PPP6R2: variants seen among roughly 807,000 people sequenced by gnomAD.
PPP6R2 encodes serine/threonine-protein phosphatase 6 regulatory subunit 2.
PPP6R2 carries 62 observed loss-of-function variants against 100.2 expected under a neutral mutation model. The ratio of observed to expected loss-of-function variants is 0.62; its 90% confidence interval spans 0.50 to 0.76. PPP6R2 has a LOEUF of 0.76. Ranked by LOEUF, PPP6R2 falls within the 30% of genes least tolerant of loss-of-function variation. The pLI, the probability that PPP6R2 is intolerant of heterozygous loss-of-function variation, is 0.00. For missense variants in PPP6R2, 1,142 were observed against 1,276.3 expected (o/e 0.89, Z 1.60); for synonymous variants, 525 against 514.7 (o/e 1.02, Z -0.27).
intron 2 of PPP6R2, among the ~76,000 whole-genome samples, chr22:50,389,556 GTTT>G (rs112650389): frequency 2.2e-5 from 3 of 133,760 alleles, no homozygotes; most frequent in African/African-American, 2.9e-5. Flanking sequence ...ATCTTTTTTT[GTTT>G]TTTTTTTTTT....
intron 1 of PPP6R2, among the ~76,000 whole-genome samples, chr22:50,352,114 A>G (rs557054309): frequency 4.0e-5 from 6 of 149,384 alleles, no homozygotes; most frequent in Admixed American, 4.0e-4. Context: ...TAATTTTTGT[A>G]TTTTTTAGTA....
chr22:50,394,159 CCAGTACGCCAGGCAGTG>C, intron 3 of PPP6R2, 24 bp downstream of exon 3: 1 of 1,609,134 alleles, frequency 6.2e-7, no homozygotes, highest in South Asian at 1.1e-5. Flanking sequence ...CTGTGACGGG[CCAGTACGCCAGGCAGTG>C]CTGCAGGCAG....
chr22:50,350,451 G>A (rs879487586), intron 1 of PPP6R2, among the ~76,000 whole-genome samples: 2 of 148,320 alleles, frequency 1.3e-5, no homozygotes, highest in Non-Finnish European at 2.9e-5. Flanking sequence ...GGCTGGTCTC[G>A]AACTCCTGAC....
chr22:50,375,613 G>T (rs905020609), intron 2 of PPP6R2, among the ~76,000 whole-genome samples: 1 of 151,976 alleles, frequency 6.6e-6, no homozygotes, highest in Non-Finnish European at 1.5e-5. Context: ...ACTAAATGTA[G>T]CACAAAAAGA....
chr22:50,418,741 G>T (rs2060895757), intron 6 of PPP6R2, 126 bp from the exon 7 acceptor site: 1 of 730,478 alleles, frequency 1.4e-6, no homozygotes, highest in Non-Finnish European at 2.4e-6. Flanking sequence ...CAGTGGTATT[G>T]AACAACAACG....
chr22:50,414,919 G>A (rs924984756), intron 5 of PPP6R2, among the ~76,000 whole-genome samples: 1 of 152,334 alleles, frequency 6.6e-6, no homozygotes, highest in Non-Finnish European at 1.5e-5. Context: ...CCTTCTCCCC[G>A]CAGTCTCCAG....
In PPP6R2 at chr22:50,423,358, C is replaced by T. The variant is rs2147839187; in HGVS notation, c.973-104C>T. On this transcript the variant is annotated intron_variant, in intron 9 of 23. Transcript: ENST00000612753. The surrounding 1 kb of genome is among the most constrained non-coding windows in gnomAD (Gnocchi z 4.8). ...AACCCCCACCACATACCTCGCTACCCCAGGCTGGGTCCCAGCCTAGAGTGA... is the reference window on the plus strand; with the variant it reads ...AACCCCCACCACATACCTCGCTACCTCAGGCTGGGTCCCAGCCTAGAGTGA... 6.9e-7 allele frequency: 1 copy of T among 1,456,228 alleles called. No individual in the cohort carries two copies. The highest frequency in any genetic ancestry group is 1.2e-5 in the South Asian group (1 of 80,078). 90.2% of individuals were successfully genotyped at this position (1,456,228 alleles called of 1,614,324 possible).
At chr22:50,436,242 C>T (rs1183243999) in intron 13 of PPP6R2, 125 bp from the exon 14 acceptor site, 6 of 791,370 alleles carry the variant, frequency 7.6e-6, no homozygotes, top group Non-Finnish European at 1.2e-5. Context: ...GGCCCTCAGA[C>T]GGGCTGACCA....
rs372049584 is a variant in PPP6R2 at position 50,429,181 on chromosome 22, C to G, written c.1126-1992C>G. On this transcript the variant is annotated intron_variant, in intron 10 of 23. Transcript: ENST00000612753. Reference sequence around the variant, plus strand: ...AAGTAGCTGGGATTACAGGCGTGTGCCACCATGCCCGGCTAATTTTTGTAT... The same window carrying G: ...AAGTAGCTGGGATTACAGGCGTGTGGCACCATGCCCGGCTAATTTTTGTAT... 7.9e-5 allele frequency among the ~76,000 whole-genome samples: 12 copies of G among 152,272 alleles called. No homozygotes were observed. In the East Asian group the frequency reaches 1.7e-3, roughly 22 times the overall value.
chr22:50,423,752 A>G lies in PPP6R2; in HGVS notation c.1125+138A>G, dbSNP rs545803163. ...GGGGAGGTTCCAGTCCCAAGTCCCA[A>G]GGCTGGACTACAGGTCTCTGGCGGG... On this transcript the variant is annotated intron_variant, in intron 10 of 23. Transcript: ENST00000612753. This position sits in a 1 kb window ranked among gnomAD's most constrained non-coding sequence, Gnocchi z 4.8. 7.5e-5 allele frequency: 82 copies of G among 1,093,294 alleles called. No homozygotes were observed. Among genetic ancestry groups the G allele is most frequent in the Admixed American group, 2.2e-4 (10 of 44,772 alleles). 67.7% of individuals were successfully genotyped at this position (1,093,294 alleles called of 1,614,324 possible).
chr22:50,392,492 T>C (rs908799985), intron 2 of PPP6R2, among the ~76,000 whole-genome samples: 3 of 152,220 alleles, frequency 2.0e-5, no homozygotes, highest in Non-Finnish European at 4.4e-5. Flanking sequence ...CCATGGGCAG[T>C]GCCCGCCCAG....
At chr22:50,347,989 G>A (rs1412637270) in intron 1 of PPP6R2, among the ~76,000 whole-genome samples, 2 of 152,178 alleles carry the variant, frequency 1.3e-5, no homozygotes, top group Non-Finnish European at 2.9e-5. Flanking sequence ...TCTTTGGAAT[G>A]TGAGAGGCAG....
At chr22:50,338,269 GAA>G in the PPP6R2 span, among the ~76,000 whole-genome samples, 1 of 140,752 alleles carries the variant, frequency 7.1e-6, no homozygotes. Flanking sequence ...TGGTGCGTGT[GAA>G]GTGTGTGGTG....
At position 50,350,527 on chromosome 22, in the gene PPP6R2, C is replaced by T. The variant is rs1405910224; in HGVS notation, c.-148+6977C>T. On this transcript the variant is annotated intron_variant, in intron 1 of 23. Coordinates refer to ENST00000612753, the MANE Select transcript of PPP6R2 (RefSeq NM_001242898.2). Reference sequence around the variant, plus strand: ...GATTACAGGCATGAACCACTGCGACCGGCCTGAAATGTATTTCTGAAATAA... The same window carrying T: ...GATTACAGGCATGAACCACTGCGACTGGCCTGAAATGTATTTCTGAAATAA... 5.3e-5 allele frequency among the ~76,000 whole-genome samples: 8 copies of T among 151,854 alleles called. No individual in the cohort carries two copies. The East Asian group carries it at 6.0e-4, about 11-fold the overall frequency.
chr22:50,394,600 T>A (rs1347864835), intron 3 of PPP6R2, among the ~76,000 whole-genome samples: 1 of 80,564 alleles, frequency 1.2e-5, no homozygotes, highest in East Asian at 3.5e-4. Flanking sequence ...ACCCTGTCTT[T>A]AAAAAAAAAA....
At chr22:50,414,986 T>G (rs966005501) in intron 5 of PPP6R2, among the ~76,000 whole-genome samples, 1 of 152,232 alleles carries the variant, frequency 6.6e-6, no homozygotes, top group Non-Finnish European at 1.5e-5. Context: ...CCTTTTCCCC[T>G]GCCAGCGCCC....
chr22:50,439,922 G>C (rs1239247173), intron 20 of PPP6R2, 39 bp from the exon 21 acceptor site: 1 of 1,608,192 alleles, frequency 6.2e-7, no homozygotes, highest in Non-Finnish European at 8.5e-7. Context: ...GGAGGCACCT[G>C]TCCCCCAGGA....
chr22:50,354,108 C>T (rs1462463687), intron 1 of PPP6R2, among the ~76,000 whole-genome samples: 1 of 151,928 alleles, frequency 6.6e-6, no homozygotes, highest in Non-Finnish European at 1.5e-5. Context: ...AGTTTGAGAC[C>T]ACCGTGGCCA....
At chr22:50,347,261 C>T (rs1811426093) in intron 1 of PPP6R2, among the ~76,000 whole-genome samples, 1 of 152,050 alleles carries the variant, frequency 6.6e-6, no homozygotes, top group Non-Finnish European at 1.5e-5. Flanking sequence ...AGTGACCCCA[C>T]CTGTCAGTGT....
Sources: allele counts gnomAD v4.1 joint callset (sites outside exome capture counted in the v4.1 genomes callset), GRCh38; gene constraint gnomAD v4.1.1; non-coding constraint Gnocchi (gnomAD v3.1); transcripts MANE v1.5; gene names NCBI Gene and HGNC (gene_info 2026-07-23, HGNC 2026-07-21).